KCNT1: variants seen among roughly 807,000 people sequenced by gnomAD.
KCNT1 encodes potassium channel subfamily T member 1.
A neutral mutation model predicts 147.8 loss-of-function variants in KCNT1; 78 were observed. The ratio of observed to expected loss-of-function variants is 0.53; its 90% CI spans 0.44 to 0.64. The LOEUF (loss-of-function observed/expected upper bound fraction) is 0.64, where lower values mean the gene tolerates loss of function less well. KCNT1 is among the 30% of genes least tolerant of loss of function. The pLI is 0.00. For synonymous variants in KCNT1, 867 were observed against 748.8 expected (o/e 1.16, Z -2.58); for missense variants, 1,419 against 1,750.3 (o/e 0.81, Z 3.38).
chr9:135,777,268 T>TGGGAGGGCTCC, intron 20 of KCNT1, 70 bp from the exon 21 acceptor site: 1 of 1,521,912 alleles, frequency 6.6e-7, no homozygotes, highest in African/African-American at 1.4e-5. Context: ...GTGAGGGGTC[T>TGGGAGGGCTCC]GGGAGGGCTC....
chr9:135,780,925 C>T (rs1394461895), intron 24 of KCNT1, among the ~76,000 whole-genome samples: 1 of 152,230 alleles, frequency 6.6e-6, no homozygotes, highest in East Asian at 1.9e-4. Context: ...CCTGGCGCGG[C>T]TCCTCCGGCC....
At chr9:135,744,337 G>T (rs867016886) in intron 2 of KCNT1, among the ~76,000 whole-genome samples, 3 of 152,252 alleles carry the variant, frequency 2.0e-5, no homozygotes, top group Non-Finnish European at 4.4e-5. Context: ...TTGGTGTGGG[G>T]GTGGGCACCA....
intron 21 of KCNT1, among the ~76,000 whole-genome samples, chr9:135,777,964 CCT>C (rs1833299649): frequency 6.6e-6 from 1 of 151,648 alleles, no homozygotes; most frequent in Admixed American, 6.6e-5. Flanking sequence ...ACTCCCAGTT[CCT>C]CTGTCTCCCA....
intron 1 of KCNT1, 34 bp downstream of exon 1, chr9:135,702,402 G>T (rs763882197): frequency 6.6e-7 from 1 of 1,506,530 alleles, no homozygotes; most frequent in Non-Finnish European, 9.0e-7. Context: ...ACGCGGGGAG[G>T]CCCCGGTCTA....
Position 135,770,920 on chromosome 9 carries a change from G to C in KCNT1, c.1833G>C (p.Gly611=), listed in dbSNP as rs755787639. 1.2e-6 allele frequency: 2 copies of C among 1,611,320 alleles called. No individual in the cohort carries two copies. The highest frequency in any genetic ancestry group is 1.7e-6 in the Non-Finnish European group (2 of 1,178,818). Residue 611 remains glycine (G), a synonymous_variant, in exon 18 of 31, where the codon GGG becomes GGC. Transcript: ENST00000371757. ...ACAAGAGCATCCTGCTGAACCCGGG[G>C]CCCCGGCACATCCTGGCCGCCTCTG... ...EDNKSILLNP[G]PRHILAASDT... is the part of the protein sequence containing the mutation.
chr9:135,765,330 C>T, intron 12 of KCNT1, 135 bp downstream of exon 12: 1 of 813,000 alleles, frequency 1.2e-6, no homozygotes. Flanking sequence ...GCAGATGCCT[C>T]CCTCCCGGCG....
Position 135,768,616 on chromosome 9 carries a change from C to A in KCNT1, c.1344C>A (p.Asp448Glu). ...AGGCCCTGGTGCATTGCAGGATGGA[C>A]AATGGGGAGGCCTGCTTCATCCTCA... ...KDQDLMRAKM[D>E]NGEACFILSS... The change falls in exon 14 of 31, where the codon GAC becomes GAA. Residue 448 changes from aspartate to glutamate, a missense_variant. Around this residue, in one of 5 missense-constraint regions of KCNT1, gnomAD observed 401 missense variants for 610.6 expected, o/e 0.66. Transcript: ENST00000371757. The A allele has an allele frequency of 6.4e-7, 1 of 1,550,418 alleles. No homozygotes were observed. The highest frequency in any genetic ancestry group is 2.4e-5 in the East Asian group (1 of 40,888).
intron 2 of KCNT1, among the ~76,000 whole-genome samples, chr9:135,732,798 T>G (rs2131365324): frequency 6.6e-6 from 1 of 152,006 alleles, no homozygotes; most frequent in East Asian, 1.9e-4. Context: ...CTTCTCTTTT[T>G]TCTCCCTTCC....
At chr9:135,783,880 G>A (rs534068631) in intron 24 of KCNT1, 144 bp from the exon 25 acceptor site, 16 of 660,826 alleles carry the variant, frequency 2.4e-5, no homozygotes, top group African/African-American at 1.1e-4. Flanking sequence ...CTGTGTACAC[G>A]TGGACACACA....
At chr9:135,754,976 C>A in intron 5 of KCNT1, 145 bp from the exon 6 acceptor site, 2 of 623,380 alleles carry the variant, frequency 3.2e-6, no homozygotes, top group Non-Finnish European at 5.2e-6. Flanking sequence ...CCTCCAAAGG[C>A]AAGGTAGGCT....
intron 1 of KCNT1, among the ~76,000 whole-genome samples, chr9:135,708,425 C>T (rs1303619956): frequency 1.3e-5 from 2 of 152,236 alleles, no homozygotes; most frequent in African/African-American, 2.4e-5. Flanking sequence ...GTGCTCATCT[C>T]CCTCCTCCCT....
intron 2 of KCNT1, among the ~76,000 whole-genome samples, chr9:135,739,257 CA>C (rs755408552): frequency 1.3e-5 from 2 of 152,100 alleles, no homozygotes; most frequent in Non-Finnish European, 2.9e-5. Flanking sequence ...CCCCAGGGAG[CA>C]AGCCTGAGGC....
intron 2 of KCNT1, among the ~76,000 whole-genome samples, chr9:135,731,527 C>G (rs768841292): frequency 7.9e-5 from 12 of 152,064 alleles, no homozygotes; most frequent in Non-Finnish European, 1.5e-4. Flanking sequence ...CTTTTAGCAG[C>G]TTCATTTCAT....
At position 135,792,949 on chromosome 9, in the gene KCNT1, C is replaced by T. The variant is rs1834649477; in HGVS notation, c.*788C>T. On this transcript the variant is annotated 3_prime_UTR_variant, in exon 31 of 31. Transcript: ENST00000371757. Reference sequence around the variant, plus strand: ...TTAAAGCAAAGCCTCATTTTCTAAACCCCTGACTTGTGAAGCACAATTCAG... The same window carrying T: ...TTAAAGCAAAGCCTCATTTTCTAAATCCCTGACTTGTGAAGCACAATTCAG... 1 of 152,176 alleles carries T rather than the reference C, an allele frequency of 6.6e-6. No individual in the cohort carries two copies. The highest frequency in any genetic ancestry group is 2.1e-4 in the South Asian group (1 of 4,824). The allele number at this position is 152,176 out of a possible 1,614,324, so 9.4% of individuals were successfully genotyped here. A position where few individuals can be genotyped will look rare whatever the true frequency, so the allele number is the denominator to read the frequency against.
Position 135,768,240 on chromosome 9 carries a change from CGGGGGGGGGGGG to C in KCNT1, c.1338-364_1338-353del, listed in dbSNP as rs751932639. 1.8e-3 allele frequency among the ~76,000 whole-genome samples: 9 copies of C among 5,084 alleles called. 2 individuals are homozygous for C. Among genetic ancestry groups the C allele is most frequent in the African/African-American group, 4.3e-3 (3 of 704 alleles). The allele number at this position is 5,084 out of a possible 152,430, so 3.3% of individuals were successfully genotyped here. On this transcript the variant is annotated intron_variant, in intron 13 of 30. Transcript: ENST00000371757. ...AGTCTGGAGAGGCCCAGGATGCCTG[CGGGGGGGGGGGG>C]GGGGGCACTGGGATACCGGTGGGGG... is the stretch of plus-strand genomic sequence containing the variant.
intron 27 of KCNT1, 30 bp downstream of exon 27, chr9:135,784,919 T>C: frequency 6.2e-7 from 1 of 1,607,544 alleles, no homozygotes; most frequent in Non-Finnish European, 8.5e-7. Context: ...GCTGGGACTG[T>C]GGCAGCCCCT....
intron 20 of KCNT1, among the ~76,000 whole-genome samples, chr9:135,775,852 G>A (rs1340675040): frequency 6.6e-6 from 1 of 152,224 alleles, no homozygotes; most frequent in Non-Finnish European, 1.5e-5. Flanking sequence ...CTGCGTGGCA[G>A]TGTTTTCCCC....
rs553205135 is a variant in KCNT1 at position 135,759,298 on chromosome 9, C to G, written c.855-381C>G. ...GGGGTAGAGGGCCAGACCCCAGGCC[C>G]ACCCCTGTGTCACCCAAGCCCACGC... On this transcript the variant is annotated intron_variant, in intron 10 of 30. Coordinates refer to ENST00000371757, the MANE Select transcript of KCNT1 (RefSeq NM_020822.3). Among the ~76,000 whole-genome samples the G allele has an allele frequency of 2.6e-5, 4 of 152,300 alleles. No homozygotes were observed. The East Asian group carries it at 7.8e-4, about 30-fold the overall frequency.
chr9:135,791,558 C>G, intron 29 of KCNT1: 1 of 525,268 alleles, frequency 1.9e-6, no homozygotes, highest in Non-Finnish European at 3.5e-6. Context: ...GAGGTGGGTG[C>G]GGGTCAGAGC....
Sources: allele counts gnomAD v4.1 joint callset (sites outside exome capture counted in the v4.1 genomes callset), GRCh38; gene constraint gnomAD v4.1.1; regional missense constraint gnomAD v4.1.1; transcripts MANE v1.5; gene names NCBI Gene and HGNC (gene_info 2026-07-23, HGNC 2026-07-21).